Variants in ZNF827 observed in about 807,000 individuals in gnomAD.
ZNF827 encodes the protein zinc finger protein 827.
In ZNF827, 13 loss-of-function variants were observed where a neutral mutation model predicts 102.4. The ratio of observed to expected loss-of-function variants is 0.13; its 90% CI spans 0.08 to 0.20. The LOEUF is 0.20. ZNF827 is among the 10% of genes least tolerant of loss of function. ZNF827 has a pLI of 1.00. For missense variants in ZNF827, 1,103 were observed against 1,344.4 expected, an observed-to-expected ratio of 0.82 and a Z score of 2.81; for synonymous variants, 523 against 536.2, an observed-to-expected ratio of 0.98 and a Z score of 0.34.
intron 5 of ZNF827, among the ~76,000 whole-genome samples, chr4:145,854,085 T>G (rs1746815121): frequency 6.6e-6 from 1 of 152,078 alleles, no homozygotes; most frequent in Non-Finnish European, 1.5e-5. Context: ...CTCTAAGGTT[T>G]GGAAGATAAT....
intron 1 of ZNF827, among the ~76,000 whole-genome samples, chr4:145,915,862 G>C (rs1005863226): frequency 1.3e-5 from 2 of 152,228 alleles, no homozygotes; most frequent in Non-Finnish European, 2.9e-5. Flanking sequence ...AAATACAATA[G>C]TGGGACAGGC....
intron 7 of ZNF827, among the ~76,000 whole-genome samples, chr4:145,829,012 G>A (rs187936966): frequency 1.3e-5 from 2 of 152,078 alleles, no homozygotes; most frequent in South Asian, 2.1e-4. Context: ...GAAACCAAAC[G>A]TTACAGGGAT....
chr4:145,759,291 C>G lies in ZNF827; in HGVS notation c.*2325G>C, dbSNP rs532049873. 6.6e-6 allele frequency: 1 copy of G among 151,836 alleles called. No individual in the cohort carries two copies. The highest frequency in any genetic ancestry group is 1.5e-5 in the Non-Finnish European group (1 of 67,892). The allele number at this position is 151,836 out of a possible 1,614,324, so 9.4% of individuals were successfully genotyped here. ...CAGCCAAAGATTTTTTTCCTTTTTTCTTTTTAAATCACCCATTACTTTTTA... is the reference window on the plus strand; with the variant it reads ...CAGCCAAAGATTTTTTTCCTTTTTTGTTTTTAAATCACCCATTACTTTTTA... On this transcript the variant is annotated 3_prime_UTR_variant, in exon 15 of 15. Transcript: ENST00000508784.
chr4:145,836,760 C>T (rs1744884829), intron 7 of ZNF827, among the ~76,000 whole-genome samples: 1 of 151,988 alleles, frequency 6.6e-6, no homozygotes, highest in African/African-American at 2.4e-5. Flanking sequence ...CTAATCGCCA[C>T]ACACCAGCAA....
At chr4:145,864,766 GC>G (rs936670574) in intron 5 of ZNF827, among the ~76,000 whole-genome samples, 3 of 152,052 alleles carry the variant, frequency 2.0e-5, no homozygotes, top group African/African-American at 7.2e-5. Flanking sequence ...TCTACATTTA[GC>G]CTTTTATGGA....
chr4:145,860,565 C>A (rs6821030), intron 5 of ZNF827, among the ~76,000 whole-genome samples: 6,649 of 152,208 alleles, frequency 0.044, 365 homozygotes, highest in East Asian at 0.16. Context: ...TATAACCTTC[C>A]CTCCTCTCTC....
chr4:145,768,880 A>C, intron 11 of ZNF827, among the ~76,000 whole-genome samples: 1 of 21,476 alleles, frequency 4.7e-5, no homozygotes. Flanking sequence ...AAAAAAAAAA[A>C]AAAAAAAAAA....
At chr4:145,857,392 C>A (rs1255641676) in intron 5 of ZNF827, among the ~76,000 whole-genome samples, 1 of 152,188 alleles carries the variant, frequency 6.6e-6, no homozygotes, top group Non-Finnish European at 1.5e-5. Context: ...TCATTTTCTA[C>A]AAGATCAAAG....
intron 1 of ZNF827, among the ~76,000 whole-genome samples, chr4:145,914,006 T>A (rs1227633005): frequency 6.6e-6 from 1 of 152,036 alleles, no homozygotes; most frequent in East Asian, 1.9e-4. Context: ...TATGGATAGA[T>A]AAATGACTAC....
At chr4:145,935,775 G>A (rs1754116345) in intron 1 of ZNF827, among the ~76,000 whole-genome samples, 1 of 152,064 alleles carries the variant, frequency 6.6e-6, no homozygotes, top group Non-Finnish European at 1.5e-5. Context: ...GGCCCACCAA[G>A]CACACGAGCT....
At chr4:145,881,996 A>G (rs1212085530) in intron 4 of ZNF827, among the ~76,000 whole-genome samples, 1 of 152,242 alleles carries the variant, frequency 6.6e-6, no homozygotes, top group Non-Finnish European at 1.5e-5. Context: ...TCCAGGGCCT[A>G]TCCCAGTGAA....
intron 5 of ZNF827, among the ~76,000 whole-genome samples, chr4:145,869,699 A>G (rs1029180076): frequency 6.6e-6 from 1 of 152,230 alleles, no homozygotes; most frequent in Non-Finnish European, 1.5e-5. Context: ...GCTAGTAAAG[A>G]ATGATTCATT....
Position 145,902,008 on chromosome 4 carries a change from C to G in ZNF827, c.1093+158G>C, listed in dbSNP as rs1481867854. 2.6e-5 allele frequency among the ~76,000 whole-genome samples: 4 copies of G among 152,200 alleles called. No individual in the cohort carries two copies. Among genetic ancestry groups the G allele is most frequent in the African/African-American group, 9.6e-5 (4 of 41,458 alleles). The stretch of plus-strand genomic sequence containing the variant: ...CTTTGTGTAATACGTACATGAAAGA[C>G]TACTATGCTGCTTACTTAAAGTATT... On this transcript the variant is annotated intron_variant, in intron 2 of 14. Transcript: ENST00000508784. This position sits in a 1 kb window ranked among gnomAD's most constrained non-coding sequence, Gnocchi z 4.3.
intron 2 of ZNF827, among the ~76,000 whole-genome samples, chr4:145,895,084 A>AT (rs1750874855): frequency 6.6e-6 from 1 of 152,202 alleles, no homozygotes; most frequent in African/African-American, 2.4e-5. Flanking sequence ...TTCAAGAAGT[A>AT]TGTCCCACTA....
chr4:145,862,664 A>T (rs999438630), intron 5 of ZNF827, among the ~76,000 whole-genome samples: 4 of 152,270 alleles, frequency 2.6e-5, no homozygotes, highest in African/African-American at 9.6e-5. Flanking sequence ...GCCATCAGAC[A>T]TATAAAGAAT....
chr4:145,794,709 A>G (rs1040783943), intron 8 of ZNF827, among the ~76,000 whole-genome samples: 1 of 152,100 alleles, frequency 6.6e-6, no homozygotes, highest in Non-Finnish European at 1.5e-5. Flanking sequence ...CAGAAGAAAA[A>G]AAAATAGCAC....
chr4:145,841,523 C>T (rs1056100396), intron 7 of ZNF827, among the ~76,000 whole-genome samples: 4 of 152,030 alleles, frequency 2.6e-5, no homozygotes, highest in Non-Finnish European at 4.4e-5. Context: ...TGGGTCTGGC[C>T]GGGACTCTCT....
At chr4:145,868,079 A>G (rs918129513) in intron 5 of ZNF827, among the ~76,000 whole-genome samples, 1 of 152,204 alleles carries the variant, frequency 6.6e-6, no homozygotes, top group Non-Finnish European at 1.5e-5. Context: ...TCCACTTTAA[A>G]CCTAATTAAG....
chr4:145,824,235 C>A (rs1000339170), intron 7 of ZNF827, among the ~76,000 whole-genome samples: 7 of 152,154 alleles, frequency 4.6e-5, no homozygotes, highest in Non-Finnish European at 8.8e-5. Flanking sequence ...AAACCATGAC[C>A]ACAGTGAACA....
Sources: gnomAD v4.1 joint callset for allele counts (sites outside exome capture counted in the v4.1 genomes callset) on GRCh38, gnomAD v4.1.1 for gene constraint, Gnocchi (gnomAD v3.1) non-coding constraint, MANE v1.5 for transcripts, NCBI Gene and HGNC (gene_info 2026-07-23, HGNC 2026-07-21) for gene names.